Variants in PCDHGB5 observed in about 807,000 individuals in gnomAD.
PCDHGB5 encodes the protein protocadherin gamma subfamily B, 5.
A neutral mutation model predicts 62.9 loss-of-function variants in PCDHGB5; 48 were observed. The ratio of observed to expected loss-of-function variants is 0.76; its 90% confidence interval spans 0.61 to 0.97. PCDHGB5 has a LOEUF of 0.97. Ranked by LOEUF, PCDHGB5 falls within the 50% of genes least tolerant of loss-of-function variation. The probability of loss-of-function intolerance (pLI) is 0.00; values close to 1 mark genes in which losing one functional copy is unlikely to be tolerated. For missense variants in PCDHGB5, 1,118 were observed against 1,198.6 expected (o/e 0.93, Z 0.99); for synonymous variants, 474 against 511.2 (o/e 0.93, Z 0.98).
chr5:141,418,810 A>G lies in PCDHGB5; in HGVS notation c.2397+18286A>G, dbSNP rs149866479. The G allele has an allele frequency of 4.9e-3, 7,975 of 1,613,892 alleles. 44 individuals carry two copies. Among genetic ancestry groups the G allele is most frequent in the Admixed American group, 9.4e-3 (567 of 60,018 alleles). On this transcript the variant is annotated intron_variant, in intron 1 of 3. Coordinates refer to ENST00000617380, the MANE Select transcript of PCDHGB5 (RefSeq NM_018925.3). ...TTGAAGAAGTAGAAAGATATACGAT[A>G]AACATAGAAGCAAAAGACCGAGGAT...
rs2154591169 is a variant in PCDHGB5 at position 141,493,606 on chromosome 5, T to A, written c.2398-1201T>A. Among the ~76,000 whole-genome samples, 1 of 152,278 alleles carries A rather than the reference T, an allele frequency of 6.6e-6. No homozygotes were observed. Among genetic ancestry groups the A allele is most frequent in the Non-Finnish European group, 1.5e-5 (1 of 68,022 alleles). ...ACAATCACTGCATTTCCATGTAGAT[T>A]CTGCTGTGTCTAAGAATACAGTGGC... On this transcript the variant is annotated intron_variant, in intron 1 of 3. Transcript: ENST00000617380. This position sits in a 1 kb window ranked among gnomAD's most constrained non-coding sequence, Gnocchi z 4.3.
Position 141,486,734 on chromosome 5 carries a change from C to A in PCDHGB5, c.2398-8073C>A. ...CCAGACAGGAGCTGTTCATGCTACT[C>A]GATCCTTTGACTATGAGCAAACCCA... On this transcript the variant is annotated intron_variant, in intron 1 of 3. Transcript: ENST00000617380. The surrounding 1 kb of genome is among the most constrained non-coding windows in gnomAD (Gnocchi z 5.0). The A allele has an allele frequency of 1.2e-6, 2 of 1,614,188 alleles. No homozygotes were observed. Among genetic ancestry groups the A allele is most frequent in the Non-Finnish European group, 1.7e-6 (2 of 1,180,040 alleles).
At chr5:141,502,914 T>G (rs78646636) in intron 2 of PCDHGB5, among the ~76,000 whole-genome samples, 4,865 of 139,540 alleles carry the variant, frequency 0.035, 119 homozygotes, top group South Asian at 0.075. Flanking sequence ...CAGGCTGGAG[T>G]GCAGTGGCAA....
At chr5:141,421,325 G>T in intron 1 of PCDHGB5, 1 of 1,613,906 alleles carries the variant, frequency 6.2e-7, no homozygotes, top group Non-Finnish European at 8.5e-7. Flanking sequence ...AGGCAGATCC[G>T]ATATTCGGTG....
chr5:141,452,951 G>T (rs1397204185), intron 1 of PCDHGB5, among the ~76,000 whole-genome samples: 13 of 152,154 alleles, frequency 8.5e-5, no homozygotes, highest in Admixed American at 8.5e-4. Context: ...GCAATTGGTT[G>T]TCTTTAAACT....
chr5:141,499,047 GA>G (rs2099789201), intron 2 of PCDHGB5, among the ~76,000 whole-genome samples: 1 of 151,580 alleles, frequency 6.6e-6, no homozygotes, highest in South Asian at 2.1e-4. Flanking sequence ...GAAAAAGGGA[GA>G]AAAAATGAAG....
At chr5:141,405,555 G>C in intron 1 of PCDHGB5, 1 of 620,228 alleles carries the variant, frequency 1.6e-6, no homozygotes, top group Non-Finnish European at 2.8e-6. Context: ...AAGTAGAGTA[G>C]CTGGGACTAG....
intron 1 of PCDHGB5, chr5:141,420,092 G>A: frequency 1.2e-6 from 2 of 1,614,020 alleles, no homozygotes; most frequent in Non-Finnish European, 1.7e-6. Flanking sequence ...CAACTACAGT[G>A]AGGGAACGTT....
rs1254680765 is a variant in PCDHGB5 at position 141,491,399 on chromosome 5, A to G, written c.2398-3408A>G. ...CTGTCAGCGAAGTGCCTTCAGGGAA[A>G]CGCAGACGGGGACGGGGGTGGAGGG... On this transcript the variant is annotated intron_variant, in intron 1 of 3. Transcript: ENST00000617380. This position sits in a 1 kb window ranked among gnomAD's most constrained non-coding sequence, Gnocchi z 6.9. 3 of 1,613,998 alleles carry G rather than the reference A, an allele frequency of 1.9e-6. No homozygotes were observed. Among genetic ancestry groups the G allele is most frequent in the Non-Finnish European group, 2.5e-6 (3 of 1,180,028 alleles).
At chr5:141,408,776 C>A in intron 1 of PCDHGB5, 2 of 1,611,684 alleles carry the variant, frequency 1.2e-6, no homozygotes, top group Non-Finnish European at 1.7e-6. Flanking sequence ...TGGCAAATAC[C>A]CAGAGTTATC....
At chr5:141,461,966 G>A (rs2099027516) in intron 1 of PCDHGB5, among the ~76,000 whole-genome samples, 1 of 152,162 alleles carries the variant, frequency 6.6e-6, no homozygotes, top group African/African-American at 2.4e-5. Context: ...TGGGATTCCA[G>A]GCATATGCCA....
chr5:141,403,984 A>C, intron 1 of PCDHGB5: 1 of 1,613,892 alleles, frequency 6.2e-7, no homozygotes, highest in South Asian at 1.1e-5. Flanking sequence ...ATGACAATAG[A>C]CCTGAAGTGA....
At chr5:141,451,049 C>T (rs538627151) in intron 1 of PCDHGB5, among the ~76,000 whole-genome samples, 1 of 151,422 alleles carries the variant, frequency 6.6e-6, no homozygotes, top group African/African-American at 2.4e-5. Context: ...AGGCTGGTCT[C>T]GAACTCCTGA....
intron 1 of PCDHGB5, chr5:141,427,871 GA>G: frequency 6.4e-7 from 1 of 1,559,532 alleles, no homozygotes; most frequent in Non-Finnish European, 8.8e-7. Context: ...TCGAGCTCAC[GA>G]TGCAGGCCCA....
In PCDHGB5 at chr5:141,421,516, T is replaced by G. The variant is rs199973694; in HGVS notation, c.2397+20992T>G. On this transcript the variant is annotated intron_variant, in intron 1 of 3. Transcript: ENST00000617380. Reference sequence around the variant, plus strand: ...AGGCAGGATAGACCGGGAGGAGCTCTGTGAGACGGTGTCCTCCTGTTTTTT... The same window carrying G: ...AGGCAGGATAGACCGGGAGGAGCTCGGTGAGACGGTGTCCTCCTGTTTTTT... 1.4e-5 allele frequency: 22 copies of G among 1,614,064 alleles called. No homozygotes were observed. The East Asian group carries it at 4.9e-4, about 36-fold the overall frequency.
intron 1 of PCDHGB5, chr5:141,419,997 T>C: frequency 2.5e-6 from 4 of 1,614,088 alleles, no homozygotes; most frequent in Non-Finnish European, 3.4e-6. Flanking sequence ...GCTATTGCTC[T>C]ACGCCTGCGA....
intron 1 of PCDHGB5, chr5:141,410,783 T>C (rs2095423369): frequency 1.1e-6 from 1 of 919,042 alleles, no homozygotes; most frequent in East Asian, 2.7e-5. Flanking sequence ...ACTATGTATT[T>C]GGTTCATAAG....
At chr5:141,415,185 C>G (rs375113497) in intron 1 of PCDHGB5, 66 of 1,613,860 alleles carry the variant, frequency 4.1e-5, no homozygotes, top group Non-Finnish European at 5.4e-5. Flanking sequence ...CCGTGGCCGA[C>G]AGCATCCCCC....
At chr5:141,410,821 C>A in intron 1 of PCDHGB5, 1 of 441,370 alleles carries the variant, frequency 2.3e-6, no homozygotes, top group Non-Finnish European at 3.8e-6. Context: ...AAAATAATGT[C>A]ACCAGACTGA....
Sources: gnomAD v4.1 joint callset for allele counts (sites outside exome capture counted in the v4.1 genomes callset) on GRCh38, gnomAD v4.1.1 for gene constraint, Gnocchi (gnomAD v3.1) non-coding constraint, MANE v1.5 for transcripts, NCBI Gene and HGNC (gene_info 2026-07-23, HGNC 2026-07-21) for gene names.